Variants in LRBA observed in about 807,000 individuals in gnomAD.
LRBA encodes lipopolysaccharide-responsive and beige-like anchor protein.
A neutral mutation model predicts 330.0 loss-of-function variants in LRBA; 176 were observed. The observed-to-expected ratio is 0.53, with a 90% CI of 0.47 to 0.60. The LOEUF (loss-of-function observed/expected upper bound fraction) is 0.60, where lower values mean the gene tolerates loss of function less well. Ranked by LOEUF, LRBA falls within the 20% of genes least tolerant of loss-of-function variation. LRBA has a pLI of 0.00. For missense variants in LRBA, 3,259 were observed against 3,444.8 expected (o/e 0.95, Z 1.35); for synonymous variants, 1,230 against 1,193.0 (o/e 1.03, Z -0.64).
chr4:150,810,715 C>A (rs1364530870), intron 31 of LRBA, among the ~76,000 whole-genome samples: 1 of 152,142 alleles, frequency 6.6e-6, no homozygotes, highest in East Asian at 1.9e-4. Flanking sequence ...CGTCTTCCTG[C>A]CTCAGCCTCC....
intron 17 of LRBA, among the ~76,000 whole-genome samples, chr4:150,885,464 T>C (rs1049690922): frequency 6.6e-6 from 1 of 151,628 alleles, no homozygotes; most frequent in Non-Finnish European, 1.5e-5. Flanking sequence ...CTACTAAAAA[T>C]ACAAAAATTA....
chr4:150,954,745 C>A (rs1210089290), intron 2 of LRBA, among the ~76,000 whole-genome samples: 1 of 133,082 alleles, frequency 7.5e-6, no homozygotes, highest in Non-Finnish European at 1.5e-5. Context: ...CTCTGAGAAA[C>A]ACCCAAGAAT....
chr4:150,787,123 T>C (rs1383350369), intron 34 of LRBA, among the ~76,000 whole-genome samples: 1 of 150,848 alleles, frequency 6.6e-6, no homozygotes. Flanking sequence ...TCCCAGCTAC[T>C]GGGGAGGCTG....
intron 34 of LRBA, among the ~76,000 whole-genome samples, chr4:150,775,608 T>G (rs1359824571): frequency 6.6e-6 from 1 of 151,180 alleles, no homozygotes; most frequent in Admixed American, 6.6e-5. Context: ...CAGACTAGAT[T>G]GGAATAGGAA....
intron 38 of LRBA, among the ~76,000 whole-genome samples, 189 bp from the exon 39 acceptor site, chr4:150,591,048 C>T (rs770862157): frequency 6.6e-6 from 1 of 152,148 alleles, no homozygotes; most frequent in Non-Finnish European, 1.5e-5. Context: ...CCAACCTAGT[C>T]TAATGTTACC....
intron 37 of LRBA, among the ~76,000 whole-genome samples, chr4:150,675,427 C>T (rs926394666): frequency 6.6e-6 from 1 of 152,092 alleles, no homozygotes; most frequent in Non-Finnish European, 1.5e-5. Context: ...TATAAAAATA[C>T]TTGGCACAGG....
At chr4:150,351,423 T>C (rs961695247) in intron 47 of LRBA, among the ~76,000 whole-genome samples, 16 of 152,072 alleles carry the variant, frequency 1.1e-4, no homozygotes, top group African/African-American at 2.7e-4. Flanking sequence ...GGCACGGTGG[T>C]TCATGCCTGT....
At chr4:150,743,404 C>T (rs1007417753) in intron 35 of LRBA, among the ~76,000 whole-genome samples, 1 of 152,114 alleles carries the variant, frequency 6.6e-6, no homozygotes, top group Non-Finnish European at 1.5e-5. Flanking sequence ...TCAAAATATA[C>T]AATCATATAA....
chr4:150,592,295 A>T (rs989584363), intron 38 of LRBA, among the ~76,000 whole-genome samples: 3 of 151,692 alleles, frequency 2.0e-5, no homozygotes, highest in Admixed American at 2.0e-4. Context: ...TAACCTGCAC[A>T]TGTGTTACCT....
chr4:150,563,614 T>A (rs920750328), intron 40 of LRBA, among the ~76,000 whole-genome samples: 12 of 152,182 alleles, frequency 7.9e-5, no homozygotes, highest in Non-Finnish European at 2.9e-5. Flanking sequence ...GCAGACGACA[T>A]GATTGTATAT....
At chr4:150,863,852 A>G (rs1752316521) in intron 22 of LRBA, among the ~76,000 whole-genome samples, 1 of 152,180 alleles carries the variant, frequency 6.6e-6, no homozygotes, top group Non-Finnish European at 1.5e-5. Flanking sequence ...GGAACTCAAA[A>G]AGACTAATCT....
chr4:150,783,873 A>C (rs970048031), intron 34 of LRBA, among the ~76,000 whole-genome samples: 1 of 152,254 alleles, frequency 6.6e-6, no homozygotes. Context: ...AGAGGCCTTG[A>C]AAATAAGGCA....
chr4:150,285,360 C>T (rs1460049682), intron 54 of LRBA, among the ~76,000 whole-genome samples: 4 of 152,212 alleles, frequency 2.6e-5, no homozygotes, highest in South Asian at 4.1e-4. Flanking sequence ...GCTCTAAGCT[C>T]GCTTAATATC....
At position 150,735,809 on chromosome 4, in the gene LRBA, A is replaced by C. The variant is rs1198528383; in HGVS notation, c.5646-443T>G. 2.6e-5 allele frequency among the ~76,000 whole-genome samples: 4 copies of C among 152,330 alleles called. No individual in the cohort carries two copies. The South Asian group carries it at 8.3e-4, about 32-fold the overall frequency. The stretch of plus-strand genomic sequence containing the variant: ...TAGTCTCACAAAGATAAATAGAAAA[A>C]AATTGAGGTTCACAGTCTGTCAAGG... On this transcript the variant is annotated intron_variant, in intron 35 of 56. Transcript: ENST00000651943.
intron 40 of LRBA, among the ~76,000 whole-genome samples, chr4:150,551,746 G>A (rs777569338): frequency 6.6e-6 from 1 of 152,046 alleles, no homozygotes; most frequent in Non-Finnish European, 1.5e-5. Flanking sequence ...ATACATGAGA[G>A]AGCCATTTTA....
At position 150,264,672 on chromosome 4, in the gene LRBA, A is replaced by G. The variant is rs1745083845; in HGVS notation, c.*1050T>C. ...TAGAGATCAAAGTTCACAACATACA[A>G]AGAATTTATTTATGCAATACAGGCC... On this transcript the variant is annotated 3_prime_UTR_variant, in exon 57 of 57. Transcript: ENST00000651943. The G allele has an allele frequency of 6.6e-6, 1 of 152,650 alleles. No individual in the cohort carries two copies. The highest frequency in any genetic ancestry group is 6.5e-5 in the Admixed American group (1 of 15,280). 9.5% of individuals were successfully genotyped at this position (152,650 alleles called of 1,614,324 possible).
intron 26 of LRBA, among the ~76,000 whole-genome samples, chr4:150,846,793 C>G (rs866726552): frequency 6.6e-6 from 1 of 152,108 alleles, no homozygotes; most frequent in East Asian, 1.9e-4. Context: ...ATTAAATGAT[C>G]TTGGACAAGT....
chr4:150,559,338 G>C (rs912279343), intron 40 of LRBA, among the ~76,000 whole-genome samples: 2 of 151,112 alleles, frequency 1.3e-5, no homozygotes, highest in South Asian at 4.1e-4. Context: ...CAAGGCGGGT[G>C]GATCATGAGG....
rs569497093 is a variant in LRBA, at chr4:150,728,309, T to G, written c.5754+6949A>C. On this transcript the variant is annotated intron_variant, in intron 36 of 56. Coordinates refer to ENST00000651943, the MANE Select transcript of LRBA (RefSeq NM_001364905.1). ...CTAATACCAATCCTACTCTAAGTAT[T>G]CCAAAAAATAGAGGAGGGAAGAATT... is the stretch of plus-strand genomic sequence containing the variant. 3.0e-4 allele frequency among the ~76,000 whole-genome samples: 46 copies of G among 152,144 alleles called. No homozygotes were observed. In the South Asian group the frequency reaches 9.3e-3, roughly 31 times the overall value.
Sources: gnomAD v4.1 joint callset for allele counts (sites outside exome capture counted in the v4.1 genomes callset) on GRCh38, gnomAD v4.1.1 for gene constraint, MANE v1.5 for transcripts, NCBI Gene and HGNC (gene_info 2026-07-23, HGNC 2026-07-21) for gene names.